CACNB2: variants seen among roughly 807,000 people sequenced by gnomAD.
CACNB2 encodes the protein voltage-dependent L-type calcium channel subunit beta-2.
Under a neutral mutation model 73.3 loss-of-function variants are expected in CACNB2, and 42 were observed. The observed-to-expected ratio is 0.57, with a 90% CI of 0.45 to 0.74. The LOEUF (loss-of-function observed/expected upper bound fraction) is 0.74, where lower values mean the gene tolerates loss of function less well. CACNB2 is among the 30% of genes least tolerant of loss of function. The probability of loss-of-function intolerance (pLI) is 0.00; values close to 1 mark genes in which losing one functional copy is unlikely to be tolerated. For missense variants in CACNB2, 940 were observed against 853.0 expected (o/e 1.10, Z -1.27); for synonymous variants, 348 against 310.3 (o/e 1.12, Z -1.28).
chr10:18,314,245 C>T (rs897593114), intron 2 of CACNB2, among the ~76,000 whole-genome samples: 2 of 152,036 alleles, frequency 1.3e-5, no homozygotes, highest in Admixed American at 6.6e-5. Flanking sequence ...AGTTGGGATT[C>T]GGGGAAAAGT....
At chr10:18,458,144 T>G (rs907766628) in intron 3 of CACNB2, among the ~76,000 whole-genome samples, 1 of 152,226 alleles carries the variant, frequency 6.6e-6, no homozygotes, top group Non-Finnish European at 1.5e-5. Flanking sequence ...TACAAGTATT[T>G]TAGACTATGC....
intron 2 of CACNB2, among the ~76,000 whole-genome samples, chr10:18,382,967 GCTTGGTGTCT>G (rs1377016422): frequency 6.6e-6 from 1 of 152,166 alleles, no homozygotes; most frequent in East Asian, 1.9e-4. Context: ...ATTGCCACAA[GCTTGGTGTCT>G]CTTCTGTGTT....
At position 18,341,078 on chromosome 10, in the gene CACNB2, TACTTA is replaced by T. The variant is rs1455470166; in HGVS notation, c.214-60841_214-60837del. On this transcript the variant is annotated intron_variant, in intron 2 of 13. Transcript: ENST00000324631. Reference sequence around the variant, plus strand: ...GAGCTTGAGCTAAAATCATACTAGTTACTTAACTTTTTAGACTTTCTTATCTTGCC... The same window carrying T: ...GAGCTTGAGCTAAAATCATACTAGTTACTTTTTAGACTTTCTTATCTTGCC... 3 of 1,234,678 alleles carry T rather than the reference TACTTA, an allele frequency of 2.4e-6. No individual in the cohort carries two copies. The East Asian group carries it at 7.0e-5, about 29-fold the overall frequency. 76.5% of individuals were successfully genotyped at this position (1,234,678 alleles called of 1,614,324 possible).
intron 3 of CACNB2, among the ~76,000 whole-genome samples, chr10:18,449,773 G>A (rs1052900471): frequency 1.3e-5 from 2 of 152,192 alleles, no homozygotes; most frequent in African/African-American, 2.4e-5. Flanking sequence ...AAAGGAACCC[G>A]GAGCATATCC....
chr10:18,269,833 A>G (rs2037972962), intron 2 of CACNB2, among the ~76,000 whole-genome samples: 2 of 152,086 alleles, frequency 1.3e-5, no homozygotes, highest in South Asian at 4.2e-4. Context: ...TGACACTTTT[A>G]TACTCTCCAT....
At chr10:18,499,950 G>T (rs916439288) in intron 4 of CACNB2, among the ~76,000 whole-genome samples, 1 of 152,062 alleles carries the variant, frequency 6.6e-6, no homozygotes. Context: ...CAGCCTGGGC[G>T]ACAGAGCAAG....
chr10:18,502,157 A>G (rs918921127), intron 5 of CACNB2, among the ~76,000 whole-genome samples: 1 of 152,132 alleles, frequency 6.6e-6, no homozygotes, highest in African/African-American at 2.4e-5. Context: ...AAATCCAAAA[A>G]TTAGCTGGGC....
chr10:18,522,675 C>T (rs914036769), intron 9 of CACNB2, among the ~76,000 whole-genome samples: 4 of 151,938 alleles, frequency 2.6e-5, no homozygotes, highest in East Asian at 3.9e-4. Context: ...GTCAAGTGTT[C>T]GAGACCGGCT....
At chr10:18,537,062 A>C (rs540838497) in intron 12 of CACNB2, among the ~76,000 whole-genome samples, 1 of 152,168 alleles carries the variant, frequency 6.6e-6, no homozygotes, top group Admixed American at 6.5e-5. Context: ...TCAGCTCACT[A>C]TTGCAACCTC....
intron 2 of CACNB2, among the ~76,000 whole-genome samples, chr10:18,282,670 T>C (rs955500472): frequency 3.9e-5 from 6 of 152,210 alleles, no homozygotes; most frequent in African/African-American, 1.4e-4. Context: ...AAGGCTTATA[T>C]TGACTGGACA....
intron 2 of CACNB2, among the ~76,000 whole-genome samples, chr10:18,373,689 C>A (rs549805635): frequency 1.3e-5 from 2 of 152,236 alleles, no homozygotes; most frequent in South Asian, 4.2e-4. Context: ...TTGAGGTTAG[C>A]CTAGATGTTC....
chr10:18,325,623 CTT>C (rs1055827826), intron 2 of CACNB2, among the ~76,000 whole-genome samples: 1 of 146,934 alleles, frequency 6.8e-6, no homozygotes, highest in African/African-American at 2.5e-5. Context: ...TTTCCTTTCT[CTT>C]TCTTTCCTTC....
chr10:18,315,101 G>A lies in CACNB2; in HGVS notation c.214-86823G>A, dbSNP rs534072160. Among the ~76,000 whole-genome samples the A allele has an allele frequency of 2.4e-4, 36 of 152,220 alleles. No individual in the cohort carries two copies. The South Asian group carries it at 6.8e-3, about 29-fold the overall frequency. ...AATCTCAGCACTTTGGGAGGCCAACGCCGGCCGATGACCTGAGGTCAGGAG... is the reference window on the plus strand; with the variant it reads ...AATCTCAGCACTTTGGGAGGCCAACACCGGCCGATGACCTGAGGTCAGGAG... On this transcript the variant is annotated intron_variant, in intron 2 of 13. Coordinates refer to ENST00000324631, the MANE Select transcript of CACNB2 (RefSeq NM_201596.3).
chr10:18,166,075 C>A (rs2032831143), intron 2 of CACNB2, among the ~76,000 whole-genome samples: 1 of 152,152 alleles, frequency 6.6e-6, no homozygotes, highest in African/African-American at 2.4e-5. Context: ...AAGTATACAT[C>A]TGTTTCCTTC....
chr10:18,260,951 CTG>C, intron 2 of CACNB2: 1 of 1,283,820 alleles, frequency 7.8e-7, no homozygotes, highest in East Asian at 3.9e-5. Context: ...AGTCCTAACT[CTG>C]TGTTAGCAAT....
At chr10:18,505,622 C>T (rs188941539) in intron 5 of CACNB2, among the ~76,000 whole-genome samples, 1 of 152,206 alleles carries the variant, frequency 6.6e-6, no homozygotes, top group Admixed American at 6.5e-5. Context: ...TAATAATAAA[C>T]ATTAGGCAGT....
At chr10:18,148,650 A>G (rs1041776095) in intron 1 of CACNB2, among the ~76,000 whole-genome samples, 2 of 152,184 alleles carry the variant, frequency 1.3e-5, no homozygotes, top group African/African-American at 4.8e-5. Flanking sequence ...CTAAAATGCT[A>G]AAATTAAAGG....
intron 5 of CACNB2, among the ~76,000 whole-genome samples, chr10:18,506,014 A>G (rs2050470812): frequency 6.6e-6 from 1 of 152,204 alleles, no homozygotes; most frequent in African/African-American, 2.4e-5. Flanking sequence ...TTGCTCATGA[A>G]AGCGTGAGTG....
intron 3 of CACNB2, among the ~76,000 whole-genome samples, chr10:18,409,145 A>G (rs1330800200): frequency 6.6e-6 from 1 of 152,168 alleles, no homozygotes; most frequent in Non-Finnish European, 1.5e-5. Context: ...AAAAATACAA[A>G]AAAAATAGCT....
Sources: allele counts gnomAD v4.1 joint callset (sites outside exome capture counted in the v4.1 genomes callset), GRCh38; gene constraint gnomAD v4.1.1; transcripts MANE v1.5; gene names NCBI Gene and HGNC (gene_info 2026-07-23, HGNC 2026-07-21).